Variants in CTBP2 observed in about 807,000 individuals in gnomAD.
CTBP2 encodes C-terminal-binding protein 2.
In CTBP2, 30 loss-of-function variants were observed where a neutral mutation model predicts 80.3. The observed-to-expected ratio is 0.37, with a 90% confidence interval of 0.28 to 0.51. The LOEUF (loss-of-function observed/expected upper bound fraction) is 0.51. Among genes scored for constraint, CTBP2 ranks in the 20% least tolerant of loss-of-function variants. CTBP2 has a pLI of 0.93. For missense variants in CTBP2, 1,212 were observed against 1,375.3 expected (o/e 0.88, Z 1.88); for synonymous variants, 594 against 587.4 (o/e 1.01, Z -0.16).
chr10:125,155,528 C>T (rs1443764318), intron 1 of CTBP2, among the ~76,000 whole-genome samples: 2 of 152,028 alleles, frequency 1.3e-5, no homozygotes, highest in African/African-American at 4.8e-5. Context: ...CCAGATTATG[C>T]CCAAACATTA....
At chr10:125,097,887 C>G (rs1849787990) in intron 2 of CTBP2, among the ~76,000 whole-genome samples, 1 of 152,084 alleles carries the variant, frequency 6.6e-6, no homozygotes, top group Non-Finnish European at 1.5e-5. Context: ...GAGGCCAAGG[C>G]AGGTGGATCA....
chr10:125,077,391 C>T (rs1397829237), intron 2 of CTBP2, among the ~76,000 whole-genome samples: 1 of 152,066 alleles, frequency 6.6e-6, no homozygotes, highest in African/African-American at 2.4e-5. Context: ...AGGGATAAGG[C>T]GGCACCTGTT....
chr10:125,067,039 C>A (rs190355164), intron 2 of CTBP2, among the ~76,000 whole-genome samples: 6 of 152,166 alleles, frequency 3.9e-5, no homozygotes, highest in Non-Finnish European at 7.3e-5. Context: ...CCAGACACCC[C>A]CCACGTCCAC....
At chr10:125,129,892 C>G (rs966294881) in intron 1 of CTBP2, among the ~76,000 whole-genome samples, 2 of 152,086 alleles carry the variant, frequency 1.3e-5, no homozygotes, top group Admixed American at 1.3e-4. Flanking sequence ...GTTGTTTGTG[C>G]TAACGCAGGC....
intron 1 of CTBP2, among the ~76,000 whole-genome samples, chr10:125,004,758 T>C (rs1403352236): frequency 6.6e-6 from 1 of 152,166 alleles, no homozygotes; most frequent in East Asian, 1.9e-4. Flanking sequence ...TGCTCCAGGC[T>C]GAGCCCAGCC....
In CTBP2 at chr10:124,993,277, T is replaced by C; in HGVS notation, c.2584A>G (p.Thr862Ala). ...GACGCCTGCTCACTGTACCAGGCAG[T>C]GTGAGGAGTGCAGATGAGATTCGGG... Residue 862 changes from threonine to alanine, a missense_variant, in exon 7 of 9, where the codon ACT (threonine) becomes GCT (alanine). By Grantham distance (58) the Thr-to-Ala change is moderately conservative (BLOSUM62 0). This residue lies in a region of CTBP2 where 335 missense variants were observed against 504.7 expected (regional missense o/e 0.66). Transcript: ENST00000309035. 1 of 1,610,792 alleles carries C rather than the reference T, an allele frequency of 6.2e-7. No individual in the cohort carries two copies. Among genetic ancestry groups the C allele is most frequent in the Middle Eastern group, 1.7e-4 (1 of 6,008 alleles).
chr10:125,004,856 C>T (rs377573918), intron 1 of CTBP2, among the ~76,000 whole-genome samples: 28 of 152,294 alleles, frequency 1.8e-4, no homozygotes, highest in East Asian at 1.7e-3. Flanking sequence ...GGCTCAGGGT[C>T]CCACAGGCAA....
chr10:125,027,073 C>T lies in CTBP2; in HGVS notation c.687G>A (p.Pro229=), dbSNP rs757212994. The stretch of plus-strand genomic sequence containing the variant: ...AACTGGGGTCCACAACCAGGCACGT[C>T]GGGGCCACCTGTCTGGCAGGGGCAG... Residue 229 remains proline (P), a synonymous_variant, in exon 1 of 9, where the codon CCG becomes CCA. Transcript: ENST00000309035. The T allele has an allele frequency of 7.4e-6, 12 of 1,611,972 alleles. No individual in the cohort carries two copies. Among genetic ancestry groups the T allele is most frequent in the South Asian group, 2.2e-5 (2 of 91,032 alleles).
chr10:125,071,790 C>T (rs944681514), intron 2 of CTBP2, among the ~76,000 whole-genome samples: 1 of 152,126 alleles, frequency 6.6e-6, no homozygotes, highest in Non-Finnish European at 1.5e-5. Context: ...CCGTGAAATG[C>T]GTACCACCAC....
intron 1 of CTBP2, among the ~76,000 whole-genome samples, chr10:125,009,438 G>A (rs1039960086): frequency 1.3e-5 from 2 of 152,116 alleles, no homozygotes; most frequent in Admixed American, 6.5e-5. Flanking sequence ...CAACACAGCC[G>A]AACCTGAGGC....
Position 125,063,231 on chromosome 10 carries a change from CTCTGCGCACA to C in CTBP2, c.-101-24086_-101-24077del, listed in dbSNP as rs537018045. On this transcript the variant is annotated intron_variant, in intron 2 of 10. Coordinates refer to the CTBP2 transcript ENST00000337195. ...AATCTGGAAAGCTAATTACGTGTTACTCTGCGCACATCTTCATCTCTGATGTGGAAACAGC... is the reference window on the plus strand; with the variant it reads ...AATCTGGAAAGCTAATTACGTGTTACTCTTCATCTCTGATGTGGAAACAGC... 2.9e-3 allele frequency among the ~76,000 whole-genome samples: 437 copies of C among 152,344 alleles called. 6 individuals are homozygous for C. Among genetic ancestry groups the C allele is most frequent in the East Asian group, 3.7e-3 (19 of 5,186 alleles).
chr10:125,078,237 G>A (rs138220120), intron 2 of CTBP2, among the ~76,000 whole-genome samples: 1,428 of 142,638 alleles, frequency 0.01, 28 homozygotes, highest in African/African-American at 0.035. Context: ...CCGAGATCGC[G>A]CCTCTGCACT....
chr10:125,158,168 AAG>A (rs1000906810), intron 1 of CTBP2, among the ~76,000 whole-genome samples: 15 of 151,716 alleles, frequency 9.9e-5, no homozygotes, highest in African/African-American at 3.6e-4. Context: ...TTTAAAAAAA[AAG>A]GGGGGGGTTA....
chr10:125,023,584 G>A (rs1564730891), intron 1 of CTBP2, among the ~76,000 whole-genome samples: 2 of 152,100 alleles, frequency 1.3e-5, no homozygotes, highest in Non-Finnish European at 2.9e-5. Flanking sequence ...CACTCACGCG[G>A]GCCTGGAGCC....
chr10:125,144,556 G>A (rs550430267), intron 1 of CTBP2, among the ~76,000 whole-genome samples: 2 of 152,292 alleles, frequency 1.3e-5, no homozygotes, highest in African/African-American at 2.4e-5. Flanking sequence ...GCCACAAAAC[G>A]AGTTCACTCT....
chr10:125,013,889 G>A (rs1956199695), intron 1 of CTBP2, among the ~76,000 whole-genome samples: 1 of 152,208 alleles, frequency 6.6e-6, no homozygotes, highest in African/African-American at 2.4e-5. Context: ...AAACAGACAG[G>A]TGATCTTGCC....
At chr10:125,082,589 CTTT>C (rs71486514) in intron 2 of CTBP2, among the ~76,000 whole-genome samples, 7 of 131,054 alleles carry the variant, frequency 5.3e-5, no homozygotes, top group Admixed American at 1.5e-4. Flanking sequence ...CAGCTTTCCT[CTTT>C]TTTTTTTTTT....
chr10:125,007,501 C>T (rs58775823), intron 1 of CTBP2, among the ~76,000 whole-genome samples: 2,377 of 152,340 alleles, frequency 0.016, 56 homozygotes, highest in African/African-American at 0.054. Context: ...GTGCGTGGAT[C>T]TCACAGATCC....
chr10:125,043,105 G>A (rs1960305024), intron 2 of CTBP2, among the ~76,000 whole-genome samples: 1 of 152,216 alleles, frequency 6.6e-6, no homozygotes, highest in Non-Finnish European at 1.5e-5. Context: ...GTTTCCAGAG[G>A]GGACGGGTAT....
Sources: allele counts gnomAD v4.1 joint callset (sites outside exome capture counted in the v4.1 genomes callset), GRCh38; gene constraint gnomAD v4.1.1; regional missense constraint gnomAD v4.1.1; transcripts MANE v1.5; gene names NCBI Gene and HGNC (gene_info 2026-07-23, HGNC 2026-07-21).